Variants in NCAM2 observed in about 807,000 individuals in gnomAD.
NCAM2 encodes the protein N-CAM-2.
A neutral mutation model predicts 98.1 loss-of-function variants in NCAM2; 30 were observed. That is an observed-to-expected ratio of 0.31 (90% CI 0.23 to 0.41). NCAM2 has a LOEUF of 0.41. Ranked by LOEUF, NCAM2 falls within the 10% of genes least tolerant of loss-of-function variation. The pLI, the probability that NCAM2 is intolerant of heterozygous loss-of-function variation, is 1.00. For synonymous variants in NCAM2, 368 were observed against 342.4 expected (o/e 1.07, Z -0.83); for missense variants, 867 against 1,005.8 (o/e 0.86, Z 1.87).
intron 1 of NCAM2, among the ~76,000 whole-genome samples, chr21:21,217,014 GT>G (rs1384495810): frequency 6.6e-6 from 1 of 152,162 alleles, no homozygotes; most frequent in South Asian, 2.1e-4. Flanking sequence ...AAACAAAGCT[GT>G]TTTTTAAACT....
At chr21:21,247,275 C>T (rs535358440) in intron 1 of NCAM2, among the ~76,000 whole-genome samples, 19 of 152,182 alleles carry the variant, frequency 1.2e-4, no homozygotes, top group South Asian at 4.1e-4. Context: ...GTCGAGATCT[C>T]GCCACTGCAC....
intron 9 of NCAM2, among the ~76,000 whole-genome samples, chr21:21,403,905 T>C (rs1317455919): frequency 1.3e-5 from 2 of 152,108 alleles, no homozygotes; most frequent in Non-Finnish European, 2.9e-5. Context: ...ATGTATGAGC[T>C]CTGTCATTAA....
chr21:21,507,617 C>T (rs1307214884), intron 15 of NCAM2, among the ~76,000 whole-genome samples: 1 of 151,766 alleles, frequency 6.6e-6, no homozygotes, highest in Non-Finnish European at 1.5e-5. Flanking sequence ...CACGGTGAAA[C>T]CCCGTTTCTA....
intron 1 of NCAM2, among the ~76,000 whole-genome samples, chr21:21,215,070 T>TCA (rs2069837145): frequency 6.6e-6 from 1 of 152,052 alleles, no homozygotes; most frequent in Non-Finnish European, 1.5e-5. Context: ...AGGCTGGTAC[T>TCA]GAAATTTTAC....
chr21:21,369,774 T>A (rs1417812102), intron 8 of NCAM2, among the ~76,000 whole-genome samples: 1 of 151,836 alleles, frequency 6.6e-6, no homozygotes, highest in African/African-American at 2.4e-5. Context: ...CTTGTTTATT[T>A]CTCTAACTCT....
intron 8 of NCAM2, among the ~76,000 whole-genome samples, chr21:21,343,050 T>C (rs187938562): frequency 6.6e-6 from 1 of 152,338 alleles, no homozygotes; most frequent in Non-Finnish European, 1.5e-5. Flanking sequence ...TATATTTCCA[T>C]TTAATCAAAT....
intron 1 of NCAM2, among the ~76,000 whole-genome samples, chr21:21,109,653 T>G (rs1356088898): frequency 2.6e-5 from 4 of 152,218 alleles, no homozygotes; most frequent in Non-Finnish European, 5.9e-5. Flanking sequence ...GACAATGTGT[T>G]GAACCTCTAA....
At chr21:21,405,818 A>C (rs1019851491) in intron 9 of NCAM2, among the ~76,000 whole-genome samples, 2 of 152,160 alleles carry the variant, frequency 1.3e-5, no homozygotes, top group Non-Finnish European at 2.9e-5. Context: ...AATGGAAGGC[A>C]TTTTAACATT....
rs77039606 is a variant in NCAM2 at position 21,295,468 on chromosome 21, C to T, written c.619+3227C>T. ...AATGCCTTTGATATGTGAAGTATGG[C>T]GCCTCCAAAGGAAGGATTATGCATC... On this transcript the variant is annotated intron_variant, in intron 5 of 17. Transcript: ENST00000400546. Among the ~76,000 whole-genome samples the T allele has an allele frequency of 1.1e-4, 17 of 151,956 alleles. No homozygotes were observed. In the East Asian group the frequency reaches 1.9e-3, roughly 17 times the overall value.
At chr21:21,459,498 A>G (rs1347290458) in intron 12 of NCAM2, among the ~76,000 whole-genome samples, 1 of 148,274 alleles carries the variant, frequency 6.7e-6, no homozygotes, top group Non-Finnish European at 1.5e-5. Flanking sequence ...ATGCATACAT[A>G]TGTGTATAGA....
intron 15 of NCAM2, among the ~76,000 whole-genome samples, chr21:21,499,837 AC>A (rs1279608257): frequency 6.6e-6 from 1 of 152,158 alleles, no homozygotes; most frequent in African/African-American, 2.4e-5. Flanking sequence ...TGGGAATGAA[AC>A]AACAATATTA....
chr21:21,321,788 G>A (rs1294472163), intron 5 of NCAM2, among the ~76,000 whole-genome samples: 1 of 152,062 alleles, frequency 6.6e-6, no homozygotes, highest in Non-Finnish European at 1.5e-5. Context: ...CAGTCAGAAT[G>A]AATATTATTT....
intron 15 of NCAM2, among the ~76,000 whole-genome samples, chr21:21,502,397 C>G (rs1987695072): frequency 6.6e-6 from 1 of 151,892 alleles, no homozygotes. Flanking sequence ...AATTTCACTT[C>G]ATAAGATTCC....
intron 12 of NCAM2, among the ~76,000 whole-genome samples, chr21:21,452,950 C>G (rs1423170607): frequency 1.4e-5 from 1 of 73,954 alleles, no homozygotes; most frequent in Non-Finnish European, 2.4e-5. Context: ...ATAATTTATA[C>G]TATATATTAT....
chr21:21,500,715 A>G (rs936982510), intron 15 of NCAM2, among the ~76,000 whole-genome samples: 1 of 152,134 alleles, frequency 6.6e-6, no homozygotes, highest in Non-Finnish European at 1.5e-5. Context: ...AGAGAAGTCT[A>G]TCAAAGTCCA....
At chr21:21,376,614 T>C (rs1602151135) in intron 9 of NCAM2, among the ~76,000 whole-genome samples, 1 of 151,842 alleles carries the variant, frequency 6.6e-6, no homozygotes, top group Non-Finnish European at 1.5e-5. Flanking sequence ...ATTTGAATTA[T>C]TTGCTCTTGT....
At chr21:21,056,546 G>GGAGAGAGAGAGAGAGA (rs531425532) in intron 1 of NCAM2, among the ~76,000 whole-genome samples, 1 of 147,620 alleles carries the variant, frequency 6.8e-6, no homozygotes, top group African/African-American at 2.5e-5. Context: ...GGGAGAGAGA[G>GGAGAGAGAGAGAGAGA]GAGAGAGAGA....
intron 4 of NCAM2, among the ~76,000 whole-genome samples, chr21:21,291,427 A>G (rs2826770): frequency 0.2 from 30,296 of 151,704 alleles, 3,115 homozygotes; most frequent in African/African-American, 0.24. Flanking sequence ...ATTACTTTAC[A>G]CAATCAGTGA....
intron 15 of NCAM2, among the ~76,000 whole-genome samples, chr21:21,493,551 G>T (rs1237740002): frequency 6.6e-6 from 1 of 151,874 alleles, no homozygotes; most frequent in African/African-American, 2.4e-5. Context: ...GTGGCACATT[G>T]TAATCACCCA....
Sources: gnomAD v4.1 joint callset for allele counts (sites outside exome capture counted in the v4.1 genomes callset) on GRCh38, gnomAD v4.1.1 for gene constraint, MANE v1.5 for transcripts, NCBI Gene and HGNC (gene_info 2026-07-23, HGNC 2026-07-21) for gene names.